The following KDM4C variants were observed in gnomAD, a reference collection of about 807,000 sequenced individuals.
KDM4C encodes the protein lysine-specific demethylase 4C.
In KDM4C, 81 loss-of-function variants were observed where a neutral mutation model predicts 129.3. The ratio of observed to expected loss-of-function variants is 0.63; its 90% CI spans 0.52 to 0.75. The LOEUF is 0.75. KDM4C is among the 30% of genes least tolerant of loss of function. The probability of loss-of-function intolerance (pLI) is 0.00; values close to 1 mark genes in which losing one functional copy is unlikely to be tolerated. For synonymous variants in KDM4C, 573 were observed against 456.1 expected, an observed-to-expected ratio of 1.26 and a Z score of -3.26; for missense variants, 1,457 against 1,304.0, an observed-to-expected ratio of 1.12 and a Z score of -1.81.
chr9:6,793,316 A>G (rs923292674), intron 2 of KDM4C, among the ~76,000 whole-genome samples, 184 bp downstream of exon 2: 3 of 151,992 alleles, frequency 2.0e-5, no homozygotes, highest in Non-Finnish European at 4.4e-5. Context: ...TTCAAGTATA[A>G]CTATTCATAC....
intron 5 of KDM4C, 37 bp from the exon 6 acceptor site, chr9:6,879,975 A>G (rs776935727): frequency 1.6e-6 from 2 of 1,236,472 alleles, no homozygotes; most frequent in Non-Finnish European, 2.3e-6. Flanking sequence ...CTGAAAAATT[A>G]TAAACCTAAA....
chr9:7,078,196 A>G (rs941535033), intron 17 of KDM4C, among the ~76,000 whole-genome samples: 3 of 152,202 alleles, frequency 2.0e-5, no homozygotes, highest in African/African-American at 2.4e-5. Context: ...AAAATAATTT[A>G]TACATGCTGT....
intron 18 of KDM4C, among the ~76,000 whole-genome samples, chr9:7,115,716 G>A (rs1396747735): frequency 6.6e-6 from 1 of 152,170 alleles, no homozygotes; most frequent in African/African-American, 2.4e-5. Context: ...AGCCTTGATT[G>A]TATGTCCACT....
intron 8 of KDM4C, among the ~76,000 whole-genome samples, chr9:6,935,022 A>G (rs1824501924): frequency 6.6e-6 from 1 of 152,064 alleles, no homozygotes; most frequent in Admixed American, 6.6e-5. Context: ...TAATTTAAAT[A>G]TTACAACGGC....
chr9:6,763,761 C>CT (rs1820058297), intron 1 of KDM4C, among the ~76,000 whole-genome samples: 2 of 152,080 alleles, frequency 1.3e-5, no homozygotes, highest in African/African-American at 4.8e-5. Context: ...GGAGAATGCA[C>CT]TTTTTCTTTT....
At chr9:7,122,423 G>A (rs1163051740) in intron 18 of KDM4C, among the ~76,000 whole-genome samples, 1 of 152,090 alleles carries the variant, frequency 6.6e-6, no homozygotes, top group Non-Finnish European at 1.5e-5. Flanking sequence ...AATTCAACAT[G>A]AGCTTTGGGT....
chr9:6,931,450 G>C (rs1823714071), intron 8 of KDM4C, among the ~76,000 whole-genome samples: 1 of 151,972 alleles, frequency 6.6e-6, no homozygotes, highest in South Asian at 2.1e-4. Context: ...ATGAAAATTA[G>C]TCATTAGTTT....
chr9:7,121,095 G>T (rs1311878064), intron 18 of KDM4C, among the ~76,000 whole-genome samples: 1 of 151,956 alleles, frequency 6.6e-6, no homozygotes, highest in African/African-American at 2.4e-5. Context: ...TTTTTTCTAG[G>T]CATACATATC....
At chr9:7,171,037 G>C (rs1029857607) in intron 21 of KDM4C, 1 of 152,510 alleles carries the variant, frequency 6.6e-6, no homozygotes, top group African/African-American at 2.4e-5. Flanking sequence ...CCATGGGTTG[G>C]ACACGCTTGC....
chr9:6,962,711 C>T (rs1830235926), intron 8 of KDM4C, among the ~76,000 whole-genome samples: 1 of 152,010 alleles, frequency 6.6e-6, no homozygotes, highest in Non-Finnish European at 1.5e-5. Flanking sequence ...AGATTTATTT[C>T]TTCTTAATTC....
At chr9:6,941,977 C>A (rs1826030148) in intron 8 of KDM4C, among the ~76,000 whole-genome samples, 1 of 152,240 alleles carries the variant, frequency 6.6e-6, no homozygotes, top group Non-Finnish European at 1.5e-5. Context: ...TTTCACATAA[C>A]CATATGGATT....
chr9:7,152,553 A>G (rs1842821302), intron 19 of KDM4C, among the ~76,000 whole-genome samples: 1 of 152,228 alleles, frequency 6.6e-6, no homozygotes, highest in Non-Finnish European at 1.5e-5. Context: ...GAGAGAGAGA[A>G]TGAGGAGTTA....
At chr9:7,072,151 G>T (rs1833284547) in intron 17 of KDM4C, among the ~76,000 whole-genome samples, 1 of 152,166 alleles carries the variant, frequency 6.6e-6, no homozygotes, top group African/African-American at 2.4e-5. Flanking sequence ...AACTGACAGT[G>T]TCAAGTAGTG....
At chr9:7,091,098 T>A (rs1835744523) in intron 17 of KDM4C, among the ~76,000 whole-genome samples, 1 of 152,156 alleles carries the variant, frequency 6.6e-6, no homozygotes, top group Admixed American at 6.5e-5. Flanking sequence ...GCTCTATTTT[T>A]AATCTGATCT....
At chr9:7,079,851 T>A (rs534844022) in intron 17 of KDM4C, among the ~76,000 whole-genome samples, 3 of 152,278 alleles carry the variant, frequency 2.0e-5, no homozygotes, top group Admixed American at 2.0e-4. Flanking sequence ...ACTTTTAACA[T>A]GTACTCTTTC....
intron 2 of KDM4C, among the ~76,000 whole-genome samples, chr9:6,793,968 T>C (rs1240186391): frequency 6.6e-6 from 1 of 152,212 alleles, no homozygotes; most frequent in Non-Finnish European, 1.5e-5. Context: ...TCATTACCGC[T>C]ATAGAATTCT....
intron 8 of KDM4C, among the ~76,000 whole-genome samples, chr9:6,899,606 G>A (rs1817052998): frequency 1.3e-5 from 2 of 151,598 alleles, no homozygotes; most frequent in Non-Finnish European, 2.9e-5. Context: ...TCTACCTCTG[G>A]AGAGAGTGTT....
intron 1 of KDM4C, among the ~76,000 whole-genome samples, chr9:6,771,206 C>T (rs1045079749): frequency 1.4e-5 from 2 of 147,030 alleles, no homozygotes; most frequent in Non-Finnish European, 3.0e-5. Context: ...GCTAGGATTA[C>T]AGGTGTGAGC....
In KDM4C at chr9:7,165,374, C is replaced by G; in HGVS notation, c.2901+17C>G. On this transcript the variant is annotated intron_variant, in intron 20 of 21. Transcript: ENST00000381309. ...ATGTACCAGGTGGGTTCTTCCTTCTCTGTGATGCTTGCTAAGATTGACATG... is the reference window on the plus strand; with the variant it reads ...ATGTACCAGGTGGGTTCTTCCTTCTGTGTGATGCTTGCTAAGATTGACATG... The G allele has an allele frequency of 6.2e-7, 1 of 1,612,458 alleles. No homozygotes were observed. The highest frequency in any genetic ancestry group is 8.5e-7 in the Non-Finnish European group (1 of 1,179,074).
Sources: allele counts gnomAD v4.1 joint callset (sites outside exome capture counted in the v4.1 genomes callset), GRCh38; gene constraint gnomAD v4.1.1; transcripts MANE v1.5; gene names NCBI Gene and HGNC (gene_info 2026-07-23, HGNC 2026-07-21).